ABI2: variants seen among roughly 807,000 people sequenced by gnomAD.
ABI2 encodes the protein abl interactor 2, also known as abelson interactor 2.
A neutral mutation model predicts 59.2 loss-of-function variants in ABI2; 25 were observed. The ratio of observed to expected loss-of-function variants is 0.42; its 90% confidence interval spans 0.31 to 0.59. The LOEUF is 0.59. Ranked by LOEUF, ABI2 falls within the 20% of genes least tolerant of loss-of-function variation. ABI2 has a pLI of 0.14. For synonymous variants in ABI2, 213 were observed against 235.5 expected, an observed-to-expected ratio of 0.90 and a Z score of 0.87; for missense variants, 545 against 681.8, an observed-to-expected ratio of 0.80 and a Z score of 2.23.
chr2:203,355,829 C>CAAAA (rs771519788), intron 1 of ABI2, among the ~76,000 whole-genome samples: 71 of 68,470 alleles, frequency 1.0e-3, no homozygotes, highest in African/African-American at 4.0e-3. Context: ...AAAACTGTCT[C>CAAAA]AAAAAAAAAA....
chr2:203,331,181 A>G (rs62183938), intron 1 of ABI2, among the ~76,000 whole-genome samples: 28 of 151,930 alleles, frequency 1.8e-4, no homozygotes, highest in Non-Finnish European at 3.8e-4. Flanking sequence ...TAGCTCTTAT[A>G]TGATTTGTTG....
At chr2:203,397,668 T>C (rs2097059116) in intron 8 of ABI2, among the ~76,000 whole-genome samples, 1 of 152,176 alleles carries the variant, frequency 6.6e-6, no homozygotes, top group Admixed American at 6.5e-5. Flanking sequence ...TGAGACTGGG[T>C]AATTTATGCA....
At chr2:203,382,417 G>T (rs76833031) in intron 4 of ABI2, among the ~76,000 whole-genome samples, 3,847 of 152,180 alleles carry the variant, frequency 0.025, 109 homozygotes, top group East Asian at 0.092. Flanking sequence ...CTCTATCCTT[G>T]TGCCTAGAAC....
chr2:203,337,179 G>C (rs532553383), intron 1 of ABI2, among the ~76,000 whole-genome samples: 2 of 152,110 alleles, frequency 1.3e-5, no homozygotes, highest in Non-Finnish European at 2.9e-5. Flanking sequence ...TAAACAAAAG[G>C]CATCAAAATT....
intron 7 of ABI2, 21 bp from the exon 8 acceptor site, chr2:203,396,764 C>G (rs1210294271): frequency 1.3e-6 from 2 of 1,514,398 alleles, no homozygotes; most frequent in Non-Finnish European, 1.8e-6. Context: ...AATGCTGCCT[C>G]TTACTCCTCT....
At chr2:203,417,155 G>T in intron 11 of ABI2, 74 bp downstream of exon 11, 6 of 1,283,096 alleles carry the variant, frequency 4.7e-6, no homozygotes, top group Non-Finnish European at 6.3e-6. Context: ...GTACTGAAGA[G>T]AATCTTATTT....
chr2:203,391,017 C>A, intron 4 of ABI2, 29 bp from the exon 5 acceptor site: 2 of 1,580,764 alleles, frequency 1.3e-6, no homozygotes, highest in East Asian at 2.2e-5. Context: ...TCACTGCATA[C>A]AAGTTGAGTT....
intron 4 of ABI2, among the ~76,000 whole-genome samples, chr2:203,388,508 C>A (rs1033579026): frequency 6.6e-6 from 1 of 151,924 alleles, no homozygotes; most frequent in Non-Finnish European, 1.5e-5. Flanking sequence ...CATGACGAAA[C>A]CCCATCTCTA....
chr2:203,424,167 T>G lies in ABI2; in HGVS notation c.1454-3010T>G, dbSNP rs183092886. ...CAGACTAAATAAAATCTAGACAGAT[T>G]TTACATTTCTCAACATCGGTATTTT... On this transcript the variant is annotated intron_variant, in intron 11 of 11. Transcript: ENST00000261018. Among the ~76,000 whole-genome samples, 4 of 152,314 alleles carry G rather than the reference T, an allele frequency of 2.6e-5. No individual in the cohort carries two copies. The East Asian group carries it at 7.7e-4, about 29-fold the overall frequency.
chr2:203,358,115 T>TGTGTGTGTGTG (rs57591649), intron 1 of ABI2, among the ~76,000 whole-genome samples: 266 of 63,370 alleles, frequency 4.2e-3, no homozygotes, highest in Non-Finnish European at 4.4e-3. Flanking sequence ...GTGTGTGTGT[T>TGTGTGTGTGTG]TGTTTGTTTG....
chr2:203,421,535 T>C (rs964386388), intron 11 of ABI2, among the ~76,000 whole-genome samples: 4 of 152,128 alleles, frequency 2.6e-5, no homozygotes, highest in African/African-American at 9.7e-5. Flanking sequence ...GCACCCAGTG[T>C]TTTGTACTTT....
intron 1 of ABI2, among the ~76,000 whole-genome samples, chr2:203,355,724 G>A (rs1157683106): frequency 6.6e-6 from 1 of 151,142 alleles, no homozygotes; most frequent in African/African-American, 2.4e-5. Flanking sequence ...CCAGCTACTC[G>A]GGAGGCTGAG....
intron 1 of ABI2, among the ~76,000 whole-genome samples, chr2:203,359,975 A>C (rs1391492885): frequency 6.6e-6 from 1 of 151,978 alleles, no homozygotes; most frequent in East Asian, 1.9e-4. Context: ...TCATGAGGTC[A>C]AGAGATTGAG....
chr2:203,333,277 T>C (rs939390886), intron 1 of ABI2, among the ~76,000 whole-genome samples: 6 of 152,232 alleles, frequency 3.9e-5, no homozygotes, highest in Non-Finnish European at 5.9e-5. Flanking sequence ...CTGGTACTCA[T>C]ACTTTTAAAT....
intron 1 of ABI2, among the ~76,000 whole-genome samples, chr2:203,333,309 A>G (rs949616969): frequency 1.3e-5 from 2 of 152,204 alleles, no homozygotes; most frequent in African/African-American, 4.8e-5. Flanking sequence ...GCACAACTAT[A>G]TATCAATATT....
intron 1 of ABI2, among the ~76,000 whole-genome samples, chr2:203,329,398 A>G (rs1361764958): frequency 7.9e-6 from 1 of 127,024 alleles, no homozygotes; most frequent in Admixed American, 9.6e-5. Context: ...AAGGGCTGAT[A>G]GTGGTAGGGG....
At chr2:203,335,548 CCG>C (rs1559145175) in intron 1 of ABI2, among the ~76,000 whole-genome samples, 1 of 152,206 alleles carries the variant, frequency 6.6e-6, no homozygotes, top group African/African-American at 2.4e-5. Flanking sequence ...CACCTGTCAG[CCG>C]CCATGCCTGG....
intron 11 of ABI2, among the ~76,000 whole-genome samples, chr2:203,421,405 G>T (rs577171874): frequency 6.6e-6 from 1 of 152,290 alleles, no homozygotes; most frequent in South Asian, 2.1e-4. Flanking sequence ...TATCATCAAG[G>T]TCTTTCTTAA....
intron 1 of ABI2, among the ~76,000 whole-genome samples, chr2:203,344,540 TTTGTTG>T (rs751012351): frequency 3.5e-5 from 5 of 143,012 alleles, no homozygotes; most frequent in East Asian, 4.1e-4. Context: ...TAATTTTTGC[TTTGTTG>T]TTGTTGTTGT....
Sources: allele counts gnomAD v4.1 joint callset (sites outside exome capture counted in the v4.1 genomes callset), GRCh38; gene constraint gnomAD v4.1.1; transcripts MANE v1.5; gene names NCBI Gene and HGNC (gene_info 2026-07-23, HGNC 2026-07-21).